LRCH2: variants seen among roughly 807,000 people sequenced by gnomAD.
The protein encoded by LRCH2 is leucine rich repeats and calponin homology domain containing 2.
LRCH2 carries 38 observed loss-of-function variants against 68.9 expected under a neutral mutation model. That is an observed-to-expected ratio of 0.55 (90% confidence interval 0.43 to 0.72). LRCH2 has a LOEUF of 0.72. Ranked by LOEUF, LRCH2 falls within the 30% of genes least tolerant of loss-of-function variation. The probability of loss-of-function intolerance (pLI) is 0.00; values close to 1 mark genes in which losing one functional copy is unlikely to be tolerated. For missense variants in LRCH2, 528 were observed against 572.9 expected (o/e 0.92, Z 0.80); for synonymous variants, 191 against 208.1 (o/e 0.92, Z 0.71).
At chrX:115,114,592 C>T (rs782495667) in intron 20 of LRCH2, among the ~76,000 whole-genome samples, 1 of 110,398 alleles carries the variant, frequency 9.1e-6, no homozygotes, top group African/African-American at 3.3e-5. Context: ...ATTCATAAAC[C>T]TCAAGCTAGG....
intron 1 of LRCH2, among the ~76,000 whole-genome samples, chrX:115,225,172 T>C (rs1275527356): frequency 9.0e-6 from 1 of 111,678 alleles, no homozygotes; most frequent in African/African-American, 3.3e-5. Context: ...ATTAGAGTAA[T>C]ATTTTTAGGT....
At chrX:115,200,758 C>T (rs948602098) in intron 1 of LRCH2, among the ~76,000 whole-genome samples, 4 of 110,940 alleles carry the variant, frequency 3.6e-5, no homozygotes, top group Non-Finnish European at 5.7e-5. Context: ...TGAAACTGTT[C>T]CAAAAAATTG....
chrX:115,111,830 G>C lies in LRCH2; in HGVS notation c.*1386C>G, dbSNP rs1240960088. On this transcript the variant is annotated 3_prime_UTR_variant, in exon 21 of 21. Transcript: ENST00000317135. ...TATATATACCCTTTGAAATACCCAG[G>C]CCAACATTTTTAATAAGTTGCATCC... 9.0e-6 allele frequency: 1 copy of C among 111,329 alleles called. No individual in the cohort carries two copies. The highest frequency in any genetic ancestry group is 3.3e-5 in the African/African-American group (1 of 30,668). The allele number at this position is 111,329 out of a possible 1,213,427, so 9.2% of individuals were successfully genotyped here. A position where few individuals can be genotyped will look rare whatever the true frequency, so the allele number is the denominator to read the frequency against.
At chrX:115,158,633 A>G (rs2072493618) in intron 11 of LRCH2, among the ~76,000 whole-genome samples, 1 of 112,025 alleles carries the variant, frequency 8.9e-6, no homozygotes, top group African/African-American at 3.2e-5. Flanking sequence ...TAGTAATTAG[A>G]AGCACATCTT....
intron 16 of LRCH2, 31 bp downstream of exon 16, chrX:115,126,812 T>A: frequency 9.4e-7 from 1 of 1,067,447 alleles, no homozygotes; most frequent in Non-Finnish European, 1.2e-6. Flanking sequence ...ACAAAACGTA[T>A]TTTTAAGACA....
intron 5 of LRCH2, among the ~76,000 whole-genome samples, chrX:115,170,776 T>C (rs2072598844): frequency 8.9e-6 from 1 of 111,782 alleles, no homozygotes; most frequent in Non-Finnish European, 1.9e-5. Flanking sequence ...TATATATTCA[T>C]TGGAATGGTA....
At chrX:115,223,296 A>G (rs1269902708) in intron 1 of LRCH2, among the ~76,000 whole-genome samples, 2 of 111,930 alleles carry the variant, frequency 1.8e-5, no homozygotes, top group Admixed American at 9.5e-5. Context: ...TTCCTTAGAC[A>G]TGACACAAAA....
intron 1 of LRCH2, among the ~76,000 whole-genome samples, chrX:115,208,322 C>T (rs1489735694): frequency 9.0e-6 from 1 of 111,674 alleles, no homozygotes; most frequent in Non-Finnish European, 1.9e-5. Flanking sequence ...ACCTTTATAA[C>T]CACTAAGCTG....
chrX:115,124,916 G>T (rs2072173176), intron 16 of LRCH2, among the ~76,000 whole-genome samples: 1 of 111,318 alleles, frequency 9.0e-6, no homozygotes, highest in South Asian at 3.8e-4. Context: ...ATTCACACAT[G>T]AAATTAATGT....
chrX:115,165,930 C>T lies in LRCH2; in HGVS notation c.1109G>A (p.Ser370Asn). ...TTEPSDDDTV[S>N]LHSQVSESNR... is the part of the protein sequence containing the mutation. ...TGATTCTGAGACTTGAGAATGAAGG[C>T]TGACTGTGTCATCATCTGATGGCTA... Residue 370 changes from serine (S) to asparagine (N), a missense_variant, in exon 8 of 21, where the codon AGC becomes AAC. Physicochemically the swap from Ser to Asn is conservative, Grantham distance 46. Coordinates refer to ENST00000317135, the MANE Select transcript of LRCH2 (RefSeq NM_020871.4). The T allele has an allele frequency of 5.2e-6, 6 of 1,161,396 alleles. No homozygotes were observed. The highest frequency in any genetic ancestry group is 6.9e-6 in the Non-Finnish European group (6 of 867,350).
intron 2 of LRCH2, among the ~76,000 whole-genome samples, chrX:115,187,748 C>T (rs1334379121): frequency 6.2e-5 from 7 of 112,681 alleles, no homozygotes; most frequent in Non-Finnish European, 1.1e-4. Context: ...ATTCTCACCC[C>T]ACTCTAACCA....
intron 14 of LRCH2, among the ~76,000 whole-genome samples, chrX:115,146,701 G>A (rs1415151250): frequency 9.1e-6 from 1 of 109,631 alleles, no homozygotes; most frequent in East Asian, 2.8e-4. Flanking sequence ...TACGATAGCG[G>A]CCTGGGAATC....
intron 1 of LRCH2, among the ~76,000 whole-genome samples, chrX:115,215,324 T>C (rs2073034012): frequency 9.0e-6 from 1 of 111,574 alleles, no homozygotes. Context: ...AGCAAAAAGA[T>C]ACCAACAACT....
chrX:115,167,500 T>C (rs1556545777), intron 6 of LRCH2, among the ~76,000 whole-genome samples: 2 of 109,868 alleles, frequency 1.8e-5, no homozygotes. Flanking sequence ...CACTCAAGAA[T>C]GTGGCATTTG....
intron 1 of LRCH2, among the ~76,000 whole-genome samples, chrX:115,212,580 G>T (rs2073015083): frequency 9.1e-6 from 1 of 110,412 alleles, no homozygotes; most frequent in African/African-American, 3.3e-5. Flanking sequence ...GCTCACGGCA[G>T]CCTTGACCTC....
In LRCH2 at chrX:115,146,365, G is replaced by A. The variant is rs782077989; in HGVS notation, c.1695+3462C>T. ...TAAATAAGACCTAGTATTTGATAGC[G>A]CAATGGGGTGACTATAGTCAATAAT... On this transcript the variant is annotated intron_variant, in intron 14 of 20. Coordinates refer to ENST00000317135, the MANE Select transcript of LRCH2 (RefSeq NM_020871.4). Among the ~76,000 whole-genome samples, 14 of 110,572 alleles carry A rather than the reference G, an allele frequency of 1.3e-4. No individual in the cohort carries two copies. In the South Asian group the frequency reaches 2.7e-3, roughly 21 times the overall value.
chrX:115,125,570 T>C lies in LRCH2; in HGVS notation c.1791+1273A>G, dbSNP rs868925464. Among the ~76,000 whole-genome samples the C allele has an allele frequency of 3.3e-3, 92 of 28,072 alleles. 14 individuals are homozygous for C. Among genetic ancestry groups the C allele is most frequent in the African/African-American group, 0.012 (64 of 5,440 alleles). 24.4% of individuals were successfully genotyped at this position (28,072 alleles called of 115,157 possible). On this transcript the variant is annotated intron_variant, in intron 16 of 20. Coordinates refer to ENST00000317135, the MANE Select transcript of LRCH2 (RefSeq NM_020871.4). ...ATATATATATATATATATATATATA[T>C]ATACACACACACATATATATATACA...
At chrX:115,193,103 A>G (rs1314590823) in intron 1 of LRCH2, among the ~76,000 whole-genome samples, 1 of 111,594 alleles carries the variant, frequency 9.0e-6, no homozygotes, top group African/African-American at 3.3e-5. Flanking sequence ...TTCAAACTGA[A>G]TCTCTGTGTT....
chrX:115,198,542 C>A, intron 1 of LRCH2: 1 of 136,741 alleles, frequency 7.3e-6, no homozygotes. Flanking sequence ...CCAAACACAC[C>A]AAGTGTGTGC....
Sources: allele counts gnomAD v4.1 joint callset (sites outside exome capture counted in the v4.1 genomes callset), GRCh38; gene constraint gnomAD v4.1.1; transcripts MANE v1.5; gene names NCBI Gene and HGNC (gene_info 2026-07-23, HGNC 2026-07-21).